Variants in AGBL1 observed in about 807,000 individuals in gnomAD.
The protein encoded by AGBL1 is AGBL carboxypeptidase 1.
In AGBL1, 130 loss-of-function variants were observed where a neutral mutation model predicts 118.9. The observed-to-expected ratio is 1.09, with a 90% CI of 0.95 to 1.26. The LOEUF (loss-of-function observed/expected upper bound fraction) is 1.26. Ranked by LOEUF, AGBL1 falls within the 50% of genes most tolerant of loss-of-function variation. AGBL1 has a pLI of 0.00. For missense variants in AGBL1, 1,584 were observed against 1,298.1 expected, an observed-to-expected ratio of 1.22 and a Z score of -3.38; for synonymous variants, 555 against 478.9, an observed-to-expected ratio of 1.16 and a Z score of -2.08.
At chr15:86,147,837 G>T (rs2077053213) in intron 3 of AGBL1, among the ~76,000 whole-genome samples, 1 of 152,292 alleles carries the variant, frequency 6.6e-6, no homozygotes, top group South Asian at 2.1e-4. Flanking sequence ...TAGCCTAACT[G>T]GGAGACACCT....
intron 6 of AGBL1, among the ~76,000 whole-genome samples, chr15:86,230,772 G>C (rs2078442733): frequency 6.6e-6 from 1 of 152,170 alleles, no homozygotes; most frequent in Admixed American, 6.5e-5. Flanking sequence ...TGCACCACAT[G>C]ATGCTTTGAA....
At position 86,679,137 on chromosome 15, in the gene AGBL1, C is replaced by T. The variant is rs565354104; in HGVS notation, c.3158+4701C>T. On this transcript the variant is annotated intron_variant, in intron 22 of 22. Transcript: ENST00000614907. ...AACCTAACCCACTGGGATTTTAACT[C>T]AGGTAATATTAAATTATAGATATTT... 9.9e-5 allele frequency among the ~76,000 whole-genome samples: 15 copies of T among 152,118 alleles called. 1 individual carries two copies. Among genetic ancestry groups the T allele is most frequent in the African/African-American group, 3.6e-4 (15 of 41,550 alleles).
intron 22 of AGBL1, among the ~76,000 whole-genome samples, chr15:86,775,571 T>G (rs1199052225): frequency 3.3e-5 from 5 of 152,074 alleles, no homozygotes; most frequent in Non-Finnish European, 7.4e-5. Flanking sequence ...AGAAGATCAC[T>G]TGGCATGGCT....
chr15:86,488,967 T>C (rs1415286761), intron 18 of AGBL1, among the ~76,000 whole-genome samples: 1 of 152,032 alleles, frequency 6.6e-6, no homozygotes, highest in African/African-American at 2.4e-5. Context: ...GACTATCATT[T>C]TATTGTGGAT....
At chr15:86,936,465 G>A (rs1190471023) in intron 23 of AGBL1, among the ~76,000 whole-genome samples, 2 of 152,102 alleles carry the variant, frequency 1.3e-5, no homozygotes, top group African/African-American at 4.8e-5. Flanking sequence ...TTTGTAGATA[G>A]GGGAATGTTA....
At chr15:86,763,963 G>C (rs2078061748) in intron 22 of AGBL1, among the ~76,000 whole-genome samples, 1 of 152,078 alleles carries the variant, frequency 6.6e-6, no homozygotes. Flanking sequence ...GAATAGGATT[G>C]TGGGATGGAA....
At chr15:86,490,388 A>G (rs1042334280) in intron 18 of AGBL1, among the ~76,000 whole-genome samples, 1 of 151,768 alleles carries the variant, frequency 6.6e-6, no homozygotes, top group Non-Finnish European at 1.5e-5. Flanking sequence ...CCATTTGTAA[A>G]CCTCTGCTCG....
rs138165844 is a variant in AGBL1 at position 86,628,494 on chromosome 15, T to A, written c.2995-45779T>A. 2.4e-3 allele frequency among the ~76,000 whole-genome samples: 372 copies of A among 152,262 alleles called. 6 individuals carry two copies. The East Asian group carries it at 0.036, about 15-fold the overall frequency. Reference sequence around the variant, plus strand: ...TAAAACATGTTTATTGAACTAATTTTTTTTCTTTAAAAAAATTTTTGGCTG... The same window carrying A: ...TAAAACATGTTTATTGAACTAATTTATTTTCTTTAAAAAAATTTTTGGCTG... On this transcript the variant is annotated intron_variant, in intron 21 of 22. Transcript: ENST00000614907.
At chr15:86,602,195 C>A (rs1421120029) in intron 21 of AGBL1, among the ~76,000 whole-genome samples, 1 of 152,128 alleles carries the variant, frequency 6.6e-6, no homozygotes, top group Non-Finnish European at 1.5e-5. Context: ...TCCTCACTAA[C>A]AATGAGTCTG....
At chr15:86,668,560 A>G (rs1000498452) in intron 21 of AGBL1, among the ~76,000 whole-genome samples, 4 of 152,086 alleles carry the variant, frequency 2.6e-5, no homozygotes, top group African/African-American at 7.2e-5. Context: ...TATCTGCAAT[A>G]TTTCTTCACA....
intron 22 of AGBL1, among the ~76,000 whole-genome samples, chr15:86,864,631 T>A (rs1354554884): frequency 6.6e-6 from 1 of 152,156 alleles, no homozygotes; most frequent in Non-Finnish European, 1.5e-5. Context: ...CACTGAAGCT[T>A]TAAGCTCCAT....
intron 15 of AGBL1, among the ~76,000 whole-genome samples, chr15:86,276,938 T>A (rs2079261926): frequency 6.6e-6 from 1 of 152,122 alleles, no homozygotes; most frequent in South Asian, 2.1e-4. Context: ...TTGAAGGTCC[T>A]GGGAAAGTTT....
intron 22 of AGBL1, among the ~76,000 whole-genome samples, chr15:86,698,564 C>A (rs537593703): frequency 3.6e-4 from 54 of 151,426 alleles, no homozygotes; most frequent in African/African-American, 1.1e-3. Context: ...TTGTTGCATC[C>A]GCTCCTTTTT....
intron 22 of AGBL1, among the ~76,000 whole-genome samples, chr15:86,872,303 G>A (rs907069819): frequency 1.3e-5 from 2 of 152,196 alleles, no homozygotes; most frequent in Admixed American, 6.5e-5. Context: ...TTCAGGTGGA[G>A]AAAATTGAGA....
At chr15:86,416,346 A>C (rs1379153040) in intron 18 of AGBL1, among the ~76,000 whole-genome samples, 1 of 152,184 alleles carries the variant, frequency 6.6e-6, no homozygotes, top group Non-Finnish European at 1.5e-5. Context: ...TGCGGTGTTA[A>C]ATGAAAATGT....
intron 22 of AGBL1, among the ~76,000 whole-genome samples, chr15:86,797,396 C>CA (rs1567178516): frequency 6.6e-6 from 1 of 152,208 alleles, no homozygotes; most frequent in African/African-American, 2.4e-5. Flanking sequence ...ACGCTCATTT[C>CA]AAAAAAGGAG....
chr15:86,754,001 G>A (rs1186080844), intron 22 of AGBL1, among the ~76,000 whole-genome samples: 2 of 152,028 alleles, frequency 1.3e-5, no homozygotes, highest in African/African-American at 2.4e-5. Context: ...TGTGACAATT[G>A]TTCCACAGAA....
At chr15:86,647,047 A>G (rs998916342) in intron 21 of AGBL1, among the ~76,000 whole-genome samples, 1 of 152,188 alleles carries the variant, frequency 6.6e-6, no homozygotes, top group Admixed American at 6.5e-5. Flanking sequence ...CACATAAAAG[A>G]CTAACATTTT....
intron 21 of AGBL1, among the ~76,000 whole-genome samples, chr15:86,654,379 A>G (rs2085428227): frequency 6.6e-6 from 1 of 152,136 alleles, no homozygotes. Flanking sequence ...TGGGTAAGTA[A>G]TTGCATTTAG....
Sources: gnomAD v4.1 joint callset for allele counts (sites outside exome capture counted in the v4.1 genomes callset) on GRCh38, gnomAD v4.1.1 for gene constraint, MANE v1.5 for transcripts, NCBI Gene and HGNC (gene_info 2026-07-23, HGNC 2026-07-21) for gene names.